The following PHLDB2 variants were observed in gnomAD, a reference collection of about 807,000 sequenced individuals.
PHLDB2 encodes pleckstrin homology like domain family B member 2.
In PHLDB2, 71 loss-of-function variants were observed where a neutral mutation model predicts 123.6. The observed-to-expected ratio is 0.57, with a 90% CI of 0.47 to 0.70. PHLDB2 has a LOEUF of 0.70. PHLDB2 is among the 30% of genes least tolerant of loss of function. The probability of loss-of-function intolerance (pLI) is 0.00; values close to 1 mark genes in which losing one functional copy is unlikely to be tolerated. For missense variants in PHLDB2, 1,446 were observed against 1,519.5 expected, an observed-to-expected ratio of 0.95 and a Z score of 0.80; for synonymous variants, 547 against 541.6, an observed-to-expected ratio of 1.01 and a Z score of -0.14.
At chr3:111,959,622 TAGCTG>T (rs2071271159) in intron 12 of PHLDB2, among the ~76,000 whole-genome samples, 1 of 152,230 alleles carries the variant, frequency 6.6e-6, no homozygotes, top group African/African-American at 2.4e-5. Context: ...AATTGTAATG[TAGCTG>T]GCCCTTCTAC....
intron 1 of PHLDB2, among the ~76,000 whole-genome samples, chr3:111,800,309 A>G (rs2061331578): frequency 6.6e-6 from 1 of 152,202 alleles, no homozygotes; most frequent in Non-Finnish European, 1.5e-5. Context: ...CCTGGCCAAG[A>G]AACTCTTATT....
At chr3:111,925,069 T>C (rs1194256872) in intron 5 of PHLDB2, among the ~76,000 whole-genome samples, 6 of 152,152 alleles carry the variant, frequency 3.9e-5, no homozygotes, top group Non-Finnish European at 2.9e-5. Context: ...CCTCAGGTGA[T>C]CTGCCTGCCT....
intron 1 of PHLDB2, among the ~76,000 whole-genome samples, chr3:111,824,140 A>C (rs1576749237): frequency 6.6e-6 from 1 of 152,140 alleles, no homozygotes; most frequent in African/African-American, 2.4e-5. Flanking sequence ...ATTCTTAGCC[A>C]TACCCTCTGA....
intron 1 of PHLDB2, among the ~76,000 whole-genome samples, chr3:111,791,181 C>A (rs182586780): frequency 6.8e-4 from 103 of 152,208 alleles, no homozygotes; most frequent in African/African-American, 2.4e-3. Context: ...AACCAATATT[C>A]TTTTGTTATA....
intron 10 of PHLDB2, chr3:111,949,581 C>A: frequency 2.3e-6 from 1 of 427,836 alleles, no homozygotes; most frequent in Non-Finnish European, 3.1e-6. Flanking sequence ...AAGATATTGC[C>A]CATCAATTGT....
At chr3:111,842,684 T>A (rs1446599807) in intron 1 of PHLDB2, among the ~76,000 whole-genome samples, 1 of 152,188 alleles carries the variant, frequency 6.6e-6, no homozygotes, top group East Asian at 1.9e-4. Flanking sequence ...CAAAGAGTCA[T>A]CCAGAAGCTA....
At chr3:111,895,857 A>AAATCT (rs1553746617) in intron 2 of PHLDB2, among the ~76,000 whole-genome samples, 57 of 96,084 alleles carry the variant, frequency 5.9e-4, no homozygotes, top group East Asian at 2.2e-3. Flanking sequence ...AAAAAAAAAA[A>AAATCT]ATCTATCTAT....
At chr3:111,970,968 A>T (rs580173) in intron 16 of PHLDB2, among the ~76,000 whole-genome samples, 128,197 of 151,618 alleles carry the variant, frequency 0.85, 54,635 homozygotes, top group Middle Eastern at 0.92. Flanking sequence ...AGCCCCAGAA[A>T]ATGGGTGAGG....
chr3:111,854,566 T>C (rs2064400725), upstream of PHLDB2, among the ~76,000 whole-genome samples: 1 of 152,210 alleles, frequency 6.6e-6, no homozygotes, highest in Non-Finnish European at 1.5e-5. Context: ...GGAGCAAATA[T>C]ACAGATTCAG....
intron 1 of PHLDB2, among the ~76,000 whole-genome samples, chr3:111,815,186 G>A (rs985773381): frequency 1.3e-5 from 2 of 152,048 alleles, no homozygotes; most frequent in Non-Finnish European, 2.9e-5. Context: ...ACTTTCTTTG[G>A]TAAATTGCCC....
chr3:111,737,649 G>A (rs559557094), intron 1 of PHLDB2, among the ~76,000 whole-genome samples: 1 of 151,986 alleles, frequency 6.6e-6, no homozygotes, highest in African/African-American at 2.4e-5. Context: ...CAGTTTGAAT[G>A]TGCAATTTCA....
At chr3:111,782,599 G>C (rs535209611) in intron 1 of PHLDB2, among the ~76,000 whole-genome samples, 37 of 152,186 alleles carry the variant, frequency 2.4e-4, no homozygotes, top group African/African-American at 8.7e-4. Context: ...TTATGCCAGA[G>C]ATCCTTCCCT....
At chr3:111,901,135 G>A (rs1042409542) in intron 2 of PHLDB2, among the ~76,000 whole-genome samples, 4 of 151,964 alleles carry the variant, frequency 2.6e-5, no homozygotes, top group Non-Finnish European at 4.4e-5. Flanking sequence ...CGAGGCGGGC[G>A]AATCACGAGG....
At chr3:111,830,804 G>T (rs1325960425) in intron 1 of PHLDB2, among the ~76,000 whole-genome samples, 2 of 44,560 alleles carry the variant, frequency 4.5e-5, no homozygotes, top group East Asian at 1.0e-3. Context: ...GCGAGACTCC[G>T]TCTCAAAAAA....
chr3:111,952,785 G>A, intron 11 of PHLDB2, 73 bp downstream of exon 11: 1 of 1,514,344 alleles, frequency 6.6e-7, no homozygotes, highest in African/African-American at 1.4e-5. Context: ...GATGTGTAAA[G>A]GCCTTTAAAG....
chr3:111,786,576 A>C (rs1464905470), intron 1 of PHLDB2, among the ~76,000 whole-genome samples: 1 of 152,160 alleles, frequency 6.6e-6, no homozygotes, highest in East Asian at 1.9e-4. Flanking sequence ...TGTTACTTTC[A>C]AAAATTTAAG....
chr3:111,777,226 T>C (rs2060282569), intron 1 of PHLDB2, among the ~76,000 whole-genome samples: 1 of 152,120 alleles, frequency 6.6e-6, no homozygotes, highest in African/African-American at 2.4e-5. Context: ...TCTCTCAAAA[T>C]GTCAAAACAG....
In PHLDB2 at chr3:111,884,985, A is replaced by C; in HGVS notation, c.908A>C (p.Asn303Thr). ...HSVIDNDNYL[N>T]FSSLSSGALP... ...GTAATAGACAATGACAATTACCTTA[A>C]TTTTTCTTCTTTGAGCTCAGGGGCT... Residue 303 changes from asparagine (N) to threonine (T), a missense_variant, in exon 2 of 18, where the codon AAT (asparagine) becomes ACT (threonine). Coordinates refer to ENST00000431670, the MANE Select transcript of PHLDB2 (RefSeq NM_001134438.2). The C allele has an allele frequency of 1.9e-6, 3 of 1,614,020 alleles. No homozygotes were observed. The highest frequency in any genetic ancestry group is 2.5e-6 in the Non-Finnish European group (3 of 1,179,998).
At chr3:111,927,010 A>G (rs557290881) in intron 5 of PHLDB2, among the ~76,000 whole-genome samples, 2 of 152,306 alleles carry the variant, frequency 1.3e-5, no homozygotes, top group East Asian at 3.9e-4. Context: ...CAGACTCATC[A>G]AAAGGAATGC....
Sources: gnomAD v4.1 joint callset for allele counts (sites outside exome capture counted in the v4.1 genomes callset) on GRCh38, gnomAD v4.1.1 for gene constraint, MANE v1.5 for transcripts, NCBI Gene and HGNC (gene_info 2026-07-23, HGNC 2026-07-21) for gene names.